Variants in ITPR2 observed in about 807,000 individuals in gnomAD.
ITPR2 encodes the protein inositol 1,4,5-trisphosphate-gated calcium channel ITPR2.
In ITPR2, 207 loss-of-function variants were observed where a neutral mutation model predicts 317.1. The ratio of observed to expected loss-of-function variants is 0.65; its 90% confidence interval spans 0.58 to 0.73. ITPR2 has a LOEUF of 0.73. Among genes scored for constraint, ITPR2 ranks in the 30% least tolerant of loss-of-function variants. The pLI is 0.00. For synonymous variants in ITPR2, 1,156 were observed against 1,149.1 expected (o/e 1.01, Z -0.12); for missense variants, 2,613 against 3,284.0 (o/e 0.80, Z 4.99).
At chr12:26,636,751 G>A (rs1414915085) in intron 21 of ITPR2, among the ~76,000 whole-genome samples, 1 of 152,168 alleles carries the variant, frequency 6.6e-6, no homozygotes, top group Non-Finnish European at 1.5e-5. Context: ...TTATCATATT[G>A]TGTGTACCTT....
intron 31 of ITPR2, 105 bp downstream of exon 31, chr12:26,596,778 T>C: frequency 1.1e-6 from 1 of 888,334 alleles, no homozygotes; most frequent in Non-Finnish European, 1.6e-6. Context: ...TGACTAAATA[T>C]ATGATCTCAT....
Position 26,478,626 on chromosome 12 carries a change from T to C in ITPR2, c.6124-1619A>G, listed in dbSNP as rs114458082. On this transcript the variant is annotated intron_variant, in intron 43 of 56. Transcript: ENST00000381340. ...TTATGTCAGAAGAATAGAAATCTTA[T>C]AAACGGCCTAATGAAATATGAATTG... Among the ~76,000 whole-genome samples, 1,353 of 152,256 alleles carry C rather than the reference T, an allele frequency of 8.9e-3. 11 individuals carry two copies. Among genetic ancestry groups the C allele is most frequent in the African/African-American group, 0.018 (757 of 41,556 alleles).
intron 34 of ITPR2, among the ~76,000 whole-genome samples, chr12:26,571,541 T>A (rs1945160275): frequency 6.6e-6 from 1 of 152,220 alleles, no homozygotes; most frequent in African/African-American, 2.4e-5. Context: ...TGATCCACAA[T>A]GCACACGGTA....
At chr12:26,630,233 A>C (rs953114243) in intron 22 of ITPR2, among the ~76,000 whole-genome samples, 3 of 152,240 alleles carry the variant, frequency 2.0e-5, no homozygotes, top group African/African-American at 2.4e-5. Context: ...TACATGCAGC[A>C]TTGTATTCCA....
chr12:26,443,470 G>A, intron 46 of ITPR2, 73 bp downstream of exon 46: 1 of 1,200,794 alleles, frequency 8.3e-7, no homozygotes, highest in Non-Finnish European at 1.2e-6. Context: ...AAAAAAATAT[G>A]AAAATGGTCT....
At chr12:26,689,811 T>A (rs1421734716) in intron 10 of ITPR2, among the ~76,000 whole-genome samples, 1 of 152,114 alleles carries the variant, frequency 6.6e-6, no homozygotes, top group Non-Finnish European at 1.5e-5. Flanking sequence ...ACAATGATTA[T>A]GAAGAACACG....
chr12:26,768,526 G>C (rs1343395433), intron 2 of ITPR2, among the ~76,000 whole-genome samples: 1 of 117,850 alleles, frequency 8.5e-6, no homozygotes, highest in Non-Finnish European at 1.7e-5. Context: ...AAAGGTATTA[G>C]TTAGTAAAGT....
At chr12:26,427,469 T>C (rs1261708214) in intron 49 of ITPR2, among the ~76,000 whole-genome samples, 1 of 152,196 alleles carries the variant, frequency 6.6e-6, no homozygotes, top group Non-Finnish European at 1.5e-5. Flanking sequence ...AAGAACCCAA[T>C]TTAATATTTT....
intron 54 of ITPR2, among the ~76,000 whole-genome samples, chr12:26,398,151 G>A (rs1460063642): frequency 6.6e-5 from 10 of 151,800 alleles, no homozygotes; most frequent in Non-Finnish European, 1.3e-4. Context: ...GGCCGGGTGC[G>A]GTGGCTTACA....
intron 55 of ITPR2, among the ~76,000 whole-genome samples, chr12:26,354,753 C>T (rs902753776): frequency 4.6e-5 from 7 of 152,182 alleles, no homozygotes; most frequent in Admixed American, 1.3e-4. Context: ...ACTGCAACCT[C>T]TGCCTCCCGG....
intron 34 of ITPR2, among the ~76,000 whole-genome samples, chr12:26,567,990 ATATATAT>A (rs1270064267): frequency 1.4e-4 from 1 of 7,300 alleles, no homozygotes; most frequent in African/African-American, 2.5e-4. Flanking sequence ...ATATATATAT[ATATATAT>A]TATATATATT....
At chr12:26,526,389 G>A (rs537084485) in intron 37 of ITPR2, among the ~76,000 whole-genome samples, 3 of 152,242 alleles carry the variant, frequency 2.0e-5, no homozygotes, top group Non-Finnish European at 2.9e-5. Flanking sequence ...AATAGCAAAT[G>A]CAAAACCTCT....
At chr12:26,768,591 A>AAAAAAAAAAAAAAAAC (rs1949782572) in intron 2 of ITPR2, among the ~76,000 whole-genome samples, 1 of 140,236 alleles carries the variant, frequency 7.1e-6, no homozygotes, top group African/African-American at 2.7e-5. Flanking sequence ...AAAAAAAAAA[A>AAAAAAAAAAAAAAAAC]AAAAAACCTC....
At chr12:26,694,913 A>G (rs1483724288) in intron 10 of ITPR2, among the ~76,000 whole-genome samples, 1 of 152,196 alleles carries the variant, frequency 6.6e-6, no homozygotes, top group Admixed American at 6.5e-5. Flanking sequence ...CAGACAGAGA[A>G]GGGGGTCAAA....
In ITPR2 at chr12:26,715,303, A is replaced by G. The variant is rs1948718684; in HGVS notation, c.851T>C (p.Ile284Thr). ...TGCCAAAAAACATTTACATACCTCT[A>G]TTTCCCAGAGTGCTTTAGAACTAGT... ...SATSSKALWE[I>T]EVVHHDPCRG... The change falls in exon 8 of 57, where the codon ATA (isoleucine) becomes ACA (threonine). Residue 284 changes from isoleucine to threonine, a missense_variant. Ile to Thr is a moderately conservative substitution (Grantham distance 89). Transcript: ENST00000381340. The G allele has an allele frequency of 9.9e-6, 16 of 1,610,866 alleles. No homozygotes were observed. Among genetic ancestry groups the G allele is most frequent in the Non-Finnish European group, 1.4e-5 (16 of 1,178,604 alleles).
At chr12:26,821,138 T>C (rs1422382145) in intron 1 of ITPR2, among the ~76,000 whole-genome samples, 2 of 152,230 alleles carry the variant, frequency 1.3e-5, no homozygotes, top group African/African-American at 2.4e-5. Flanking sequence ...ATAAATTTTA[T>C]GTATATTTTA....
At chr12:26,632,150 C>T (rs917361771) in intron 21 of ITPR2, 91 bp from the exon 22 acceptor site, 71 of 986,916 alleles carry the variant, frequency 7.2e-5, no homozygotes, top group Non-Finnish European at 9.8e-5. Context: ...CACTGAAAAG[C>T]AGCCAGGAAA....
rs145035225 is a variant in ITPR2, at chr12:26,363,936, C to A, written c.7857+23498G>T. 8.6e-4 allele frequency among the ~76,000 whole-genome samples: 131 copies of A among 152,208 alleles called. 1 individual carries two copies. The East Asian group carries it at 0.023, about 26-fold the overall frequency. On this transcript the variant is annotated intron_variant, in intron 55 of 56. Coordinates refer to ENST00000381340, the MANE Select transcript of ITPR2 (RefSeq NM_002223.4). ...AAGAAAGACCCAACTGTTAACTAATCAATGGAATTTACAAATCTAAAGGCA... is the reference window on the plus strand; with the variant it reads ...AAGAAAGACCCAACTGTTAACTAATAAATGGAATTTACAAATCTAAAGGCA...
At chr12:26,537,851 T>C (rs1591872537) in intron 37 of ITPR2, among the ~76,000 whole-genome samples, 1 of 152,232 alleles carries the variant, frequency 6.6e-6, no homozygotes, top group Non-Finnish European at 1.5e-5. Context: ...TAATGTTCTG[T>C]GTTGTTTTGT....
Sources: gnomAD v4.1 joint callset for allele counts (sites outside exome capture counted in the v4.1 genomes callset) on GRCh38, gnomAD v4.1.1 for gene constraint, MANE v1.5 for transcripts, NCBI Gene and HGNC (gene_info 2026-07-23, HGNC 2026-07-21) for gene names.